COL6A6: variants seen among roughly 807,000 people sequenced by gnomAD.
The protein encoded by COL6A6 is collagen alpha-6(VI) chain.
In COL6A6, 183 loss-of-function variants were observed where a neutral mutation model predicts 208.6. That is an observed-to-expected ratio of 0.88 (90% CI 0.78 to 0.99). The LOEUF (loss-of-function observed/expected upper bound fraction) is 0.99. Among genes scored for constraint, COL6A6 ranks in the 50% least tolerant of loss-of-function variants. COL6A6 has a pLI of 0.00. For missense variants in COL6A6, 2,816 were observed against 2,815.2 expected (o/e 1.00, Z -0.01); for synonymous variants, 973 against 1,011.8 (o/e 0.96, Z 0.73).
At chr3:130,635,873 T>A in intron 28 of COL6A6, 112 bp downstream of exon 28, 1 of 785,632 alleles carries the variant, frequency 1.3e-6, no homozygotes, top group South Asian at 1.7e-5. Flanking sequence ...GCAAAATGCA[T>A]GTGTTTTCTA....
intron 24 of COL6A6, among the ~76,000 whole-genome samples, chr3:130,623,318 T>C (rs2064792088): frequency 6.6e-6 from 1 of 151,940 alleles, no homozygotes. Context: ...ATTAGCCAGG[T>C]GTGGTGGCAC....
chr3:130,521,343 A>T (rs1279264977), intron 1 of COL6A6, among the ~76,000 whole-genome samples: 2 of 152,234 alleles, frequency 1.3e-5, no homozygotes, highest in Admixed American at 6.5e-5. Flanking sequence ...GAAGATCATA[A>T]GCAAGTCACA....
chr3:130,579,285 A>G (rs1244105194), intron 8 of COL6A6, among the ~76,000 whole-genome samples: 1 of 152,324 alleles, frequency 6.6e-6, no homozygotes, highest in South Asian at 2.1e-4. Context: ...ATGAGACTAT[A>G]ACTGTCTGAT....
At chr3:130,643,127 T>C (rs972567301) in intron 31 of COL6A6, 104 bp downstream of exon 31, 1 of 1,232,028 alleles carries the variant, frequency 8.1e-7, no homozygotes, top group Non-Finnish European at 1.2e-6. Context: ...TTTCTTAAAA[T>C]TGGAGATGTC....
chr3:130,586,892 G>A (rs2063554940), intron 11 of COL6A6, among the ~76,000 whole-genome samples: 1 of 152,134 alleles, frequency 6.6e-6, no homozygotes, highest in South Asian at 2.1e-4. Flanking sequence ...GAGGAGGAAA[G>A]AGGGAAAAAG....
At chr3:130,538,233 G>C (rs960350735) in intron 1 of COL6A6, among the ~76,000 whole-genome samples, 2 of 152,102 alleles carry the variant, frequency 1.3e-5, no homozygotes, top group African/African-American at 2.4e-5. Context: ...TACTTTACAG[G>C]GGTACTCTCA....
intron 12 of COL6A6, among the ~76,000 whole-genome samples, chr3:130,589,694 C>T (rs1045512877): frequency 1.3e-5 from 2 of 152,116 alleles, no homozygotes; most frequent in African/African-American, 2.4e-5. Flanking sequence ...CAAAAACAGG[C>T]TCATTATTTA....
chr3:130,639,633 A>G (rs550668218), intron 28 of COL6A6, among the ~76,000 whole-genome samples: 1 of 150,096 alleles, frequency 6.7e-6, no homozygotes, highest in Non-Finnish European at 1.5e-5. Flanking sequence ...TCTTGGCTGC[A>G]TTGAGCTAAG....
intron 20 of COL6A6, among the ~76,000 whole-genome samples, 185 bp from the exon 21 acceptor site, chr3:130,606,746 C>T (rs1480619846): frequency 6.6e-6 from 1 of 152,028 alleles, no homozygotes; most frequent in African/African-American, 2.4e-5. Flanking sequence ...ATTCAATTGC[C>T]CTAGGATAGA....
intron 17 of COL6A6, 79 bp from the exon 18 acceptor site, chr3:130,594,202 G>T: frequency 9.2e-7 from 1 of 1,089,544 alleles, no homozygotes; most frequent in African/African-American, 1.6e-5. Context: ...ATTCACACCA[G>T]GGAGAAGAAA....
At chr3:130,580,597 A>G (rs2063396053) in intron 8 of COL6A6, among the ~76,000 whole-genome samples, 1 of 152,388 alleles carries the variant, frequency 6.6e-6, no homozygotes, top group South Asian at 2.1e-4. Flanking sequence ...AATTAAAAAC[A>G]ACCACTCATT....
At chr3:130,620,462 A>C (rs749883701) in intron 23 of COL6A6, among the ~76,000 whole-genome samples, 2 of 152,210 alleles carry the variant, frequency 1.3e-5, no homozygotes, top group Non-Finnish European at 2.9e-5. Flanking sequence ...AACTCAAAAA[A>C]GGTGAGGGCA....
At chr3:130,612,158 T>C (rs1260892358) in intron 23 of COL6A6, among the ~76,000 whole-genome samples, 1 of 152,230 alleles carries the variant, frequency 6.6e-6, no homozygotes, top group East Asian at 1.9e-4. Flanking sequence ...ATATATTTAC[T>C]ACATTTTCTT....
intron 19 of COL6A6, among the ~76,000 whole-genome samples, chr3:130,599,481 T>G (rs2063945155): frequency 6.6e-6 from 1 of 152,220 alleles, no homozygotes; most frequent in Non-Finnish European, 1.5e-5. Context: ...ATAGTTTGAA[T>G]TATCTGAGAC....
chr3:130,568,068 ACAT>A lies in COL6A6; in HGVS notation c.1869_1871del (p.Ile623del), dbSNP rs1489230072. ...GCAGCTTGCAAAGAGATGAAAGCTG[ACAT>A]CATGTTTCTGGTGGACAGTTCTGGA... is the stretch of plus-strand genomic sequence containing the variant. On this transcript the variant is annotated inframe_deletion, in exon 6 of 37. Coordinates refer to ENST00000358511, the MANE Select transcript of COL6A6 (RefSeq NM_001102608.3). 6.2e-7 allele frequency: 1 copy of A among 1,611,058 alleles called. No homozygotes were observed. The highest frequency in any genetic ancestry group is 1.3e-5 in the African/African-American group (1 of 74,702).
intron 1 of COL6A6, among the ~76,000 whole-genome samples, chr3:130,532,791 C>G (rs1404685037): frequency 1.3e-5 from 2 of 152,108 alleles, no homozygotes; most frequent in African/African-American, 2.4e-5. Flanking sequence ...CTTAGGGTCT[C>G]AGTGAGATAG....
rs530730909 is a variant in COL6A6 at position 130,667,039 on chromosome 3, G to A, written c.6596+1943G>A. Among the ~76,000 whole-genome samples the A allele has an allele frequency of 3.9e-5, 6 of 152,218 alleles. No homozygotes were observed. The South Asian group carries it at 1.2e-3, about 32-fold the overall frequency. On this transcript the variant is annotated intron_variant, in intron 36 of 36. Transcript: ENST00000358511. ...AAACTATTGAATAACTTTAGTGGAA[G>A]AAAATTTTGTCAACTTAGAAAAACT...
At chr3:130,613,311 A>T (rs1210035247) in intron 23 of COL6A6, among the ~76,000 whole-genome samples, 1 of 152,166 alleles carries the variant, frequency 6.6e-6, no homozygotes, top group Non-Finnish European at 1.5e-5. Context: ...TTTGTCAAAG[A>T]TCAGATAGTT....
At chr3:130,563,040 G>T in intron 2 of COL6A6, 28 bp from the exon 3 acceptor site, 2 of 1,511,860 alleles carry the variant, frequency 1.3e-6, no homozygotes, top group Non-Finnish European at 1.8e-6. Flanking sequence ...AAAGTTTTTG[G>T]TTCGTTCATA....
Sources: allele counts gnomAD v4.1 joint callset (sites outside exome capture counted in the v4.1 genomes callset), GRCh38; gene constraint gnomAD v4.1.1; transcripts MANE v1.5; gene names NCBI Gene and HGNC (gene_info 2026-07-23, HGNC 2026-07-21).